The following LTF variants were observed in gnomAD, a reference collection of about 807,000 sequenced individuals.
The protein encoded by LTF is lactotransferrin, also known as epididymis luminal protein 110.
LTF carries 91 observed loss-of-function variants against 87.2 expected under a neutral mutation model. The ratio of observed to expected loss-of-function variants is 1.04; its 90% CI spans 0.88 to 1.24. LTF has a LOEUF of 1.24. Ranked by LOEUF, LTF falls within the 50% of genes most tolerant of loss-of-function variation. LTF has a pLI of 0.00. For synonymous variants in LTF, 378 were observed against 356.1 expected (o/e 1.06, Z -0.69); for missense variants, 901 against 904.3 (o/e 1.00, Z 0.05).
upstream of LTF, chr3:46,465,125 G>A (rs1559609086): frequency 1.8e-6 from 1 of 549,812 alleles, no homozygotes; most frequent in South Asian, 2.2e-5. Flanking sequence ...CTGCTGCGAT[G>A]TTCTTTCTCT....
intron 1 of LTF, chr3:46,463,574 G>A (rs1703139366): frequency 1.0e-5 from 10 of 985,382 alleles, no homozygotes; most frequent in African/African-American, 1.7e-5. Context: ...CCAATTGACT[G>A]CAGGATTCAA....
In LTF at chr3:46,456,426, C is replaced by T. The variant is rs1196064771; in HGVS notation, c.208-28G>A. On this transcript the variant is annotated intron_variant, in intron 2 of 16. Transcript: ENST00000231751. ...GAAAGTAAAGAGGCCAGACTGGCTT[C>T]AGCAGAAAACTCACCCAAACCCAGC... is the stretch of plus-strand genomic sequence containing the variant. 5 of 1,587,624 alleles carry T rather than the reference C, an allele frequency of 3.1e-6. No homozygotes were observed. In the African/African-American group the frequency reaches 5.4e-5, roughly 17 times the overall value.
At position 46,450,640 on chromosome 3, in the gene LTF, T is replaced by C. The variant is rs759148475; in HGVS notation, c.737A>G (p.Tyr246Cys). The C allele has an allele frequency of 9.3e-5, 150 of 1,613,310 alleles. No individual in the cohort carries two copies. The highest frequency in any genetic ancestry group is 1.2e-4 in the Non-Finnish European group (139 of 1,179,388). ...AGTGTTGTCTGGGCAGAGTAACTCATACTCGTCCCTTTCAGCCTCGTCTGA... is the reference window on the plus strand; with the variant it reads ...AGTGTTGTCTGGGCAGAGTAACTCACACTCGTCCCTTTCAGCCTCGTCTGA... ...DLSDEAERDE[Y>C]ELLCPDNTRK... Residue 246 changes from tyrosine (Y) to cysteine (C), a missense_variant, in exon 7 of 17, where the codon TAT (tyrosine) becomes TGT (cysteine). Coordinates refer to ENST00000231751, the MANE Select transcript of LTF (RefSeq NM_002343.6).
At chr3:46,482,661 AAGG>A (rs1415306015) in intron 1 of LTF, among the ~76,000 whole-genome samples, 5 of 50,994 alleles carry the variant, frequency 9.8e-5, no homozygotes, top group Non-Finnish European at 2.3e-4. Context: ...AGAAAGAAAG[AAGG>A]AAGGAAGGAA....
Position 46,450,133 on chromosome 3 carries a change from G to A in LTF, c.883-105C>T, listed in dbSNP as rs567081856. 1.4e-5 allele frequency: 13 copies of A among 957,534 alleles called. No individual in the cohort carries two copies. In the East Asian group the frequency reaches 3.4e-4, roughly 25 times the overall value. 59.3% of individuals were successfully genotyped at this position (957,534 alleles called of 1,614,324 possible). On this transcript the variant is annotated intron_variant, in intron 7 of 16. Transcript: ENST00000231751. Reference sequence around the variant, plus strand: ...GGAGCTTTGGGATCATTCTAACTGAGAGCAGGAGCCTCGGTTGAGACCCTC... The same window carrying A: ...GGAGCTTTGGGATCATTCTAACTGAAAGCAGGAGCCTCGGTTGAGACCCTC...
intron 16 of LTF, 55 bp downstream of exon 16, chr3:46,437,885 A>G: frequency 6.8e-7 from 1 of 1,480,646 alleles, no homozygotes; most frequent in Non-Finnish European, 9.3e-7. Flanking sequence ...TGGCCCTCAA[A>G]CCTTGACCTT....
chr3:46,462,677 CT>C (rs1258845494), intron 1 of LTF, among the ~76,000 whole-genome samples: 5 of 151,904 alleles, frequency 3.3e-5, no homozygotes, highest in Non-Finnish European at 5.9e-5. Flanking sequence ...ACGGGAGACT[CT>C]CCCTAGGGCA....
chr3:46,462,261 C>A (rs188521039), intron 1 of LTF, among the ~76,000 whole-genome samples: 2 of 152,112 alleles, frequency 1.3e-5, no homozygotes, highest in Admixed American at 1.3e-4. Flanking sequence ...AGGCAAAAAT[C>A]CAAAAAGAGG....
chr3:46,480,827 G>A (rs1703421930), intron 1 of LTF, among the ~76,000 whole-genome samples: 1 of 152,178 alleles, frequency 6.6e-6, no homozygotes, highest in Non-Finnish European at 1.5e-5. Flanking sequence ...TTAAACCTAG[G>A]AGAGAAGTCT....
At chr3:46,454,081 T>C (rs1202967848) in intron 6 of LTF, 1 of 555,098 alleles carries the variant, frequency 1.8e-6, no homozygotes, top group African/African-American at 1.9e-5. Flanking sequence ...GCCAAGCACC[T>C]AGGCATGGGT....
At chr3:46,463,429 G>A in intron 1 of LTF, 1 of 982,082 alleles carries the variant, frequency 1.0e-6, no homozygotes, top group South Asian at 4.7e-5. Flanking sequence ...CTTAGATCCA[G>A]CTGGCCCCAC....
chr3:46,471,709 G>T (rs529871660), intron 1 of LTF, among the ~76,000 whole-genome samples: 2 of 152,318 alleles, frequency 1.3e-5, no homozygotes, highest in Admixed American at 6.5e-5. Context: ...AGGATGGAGA[G>T]GCTGAAGAGG....
At chr3:46,477,155 C>T (rs1248473529) in intron 1 of LTF, among the ~76,000 whole-genome samples, 1 of 152,240 alleles carries the variant, frequency 6.6e-6, no homozygotes, top group Non-Finnish European at 1.5e-5. Flanking sequence ...CACATCCTTG[C>T]CAACACTGCC....
chr3:46,456,639 G>T (rs1218050089), intron 2 of LTF, among the ~76,000 whole-genome samples: 20 of 152,150 alleles, frequency 1.3e-4, no homozygotes, highest in Admixed American at 1.3e-3. Flanking sequence ...CTGCCTGCCT[G>T]TGTCACTCTC....
chr3:46,437,034 C>T (rs1702401838), intron 16 of LTF, among the ~76,000 whole-genome samples: 2 of 152,138 alleles, frequency 1.3e-5, no homozygotes, highest in South Asian at 2.1e-4. Flanking sequence ...CATTTCTGGC[C>T]CTGCCCCCAT....
chr3:46,465,163 C>T (rs891950335), upstream of LTF: 3 of 482,884 alleles, frequency 6.2e-6, no homozygotes, highest in Non-Finnish European at 1.1e-5. Flanking sequence ...CCCTAGGAGT[C>T]GCAGCCCCCT....
chr3:46,483,536 T>G (rs887162110), intron 1 of LTF, among the ~76,000 whole-genome samples: 1 of 152,308 alleles, frequency 6.6e-6, no homozygotes, highest in East Asian at 1.9e-4. Context: ...ACCTACCACC[T>G]GCCTGCATTT....
rs931677666 is a variant in LTF at position 46,454,730 on chromosome 3, C to T, written c.648-370G>A. Among the ~76,000 whole-genome samples, 10 of 152,162 alleles carry T rather than the reference C, an allele frequency of 6.6e-5. No homozygotes were observed. The East Asian group carries it at 1.9e-3, about 29-fold the overall frequency. Reference sequence around the variant, plus strand: ...CCTGGCCAGTGGGGAAGTGTGGAGGCCTCCCTCTGCAAAAATACGCTAGTG... The same window carrying T: ...CCTGGCCAGTGGGGAAGTGTGGAGGTCTCCCTCTGCAAAAATACGCTAGTG... On this transcript the variant is annotated intron_variant, in intron 5 of 16. Transcript: ENST00000231751.
chr3:46,449,734 A>G, intron 8 of LTF, 120 bp downstream of exon 8: 3 of 1,052,754 alleles, frequency 2.8e-6, no homozygotes, highest in Non-Finnish European at 4.2e-6. Context: ...ACCTGCATCA[A>G]ACCTCCACGA....
Sources: gnomAD v4.1 joint callset for allele counts (sites outside exome capture counted in the v4.1 genomes callset) on GRCh38, gnomAD v4.1.1 for gene constraint, MANE v1.5 for transcripts, NCBI Gene and HGNC (gene_info 2026-07-23, HGNC 2026-07-21) for gene names.